Variants in GALC observed in about 807,000 individuals in gnomAD.
The protein encoded by GALC is galactocerebrosidase.
GALC carries 77 observed loss-of-function variants against 91.8 expected under a neutral mutation model. That is an observed-to-expected ratio of 0.84 (90% CI 0.70 to 1.01). The LOEUF (loss-of-function observed/expected upper bound fraction) is 1.01, where lower values mean the gene tolerates loss of function less well. Ranked by LOEUF, GALC falls within the 50% of genes least tolerant of loss-of-function variation. The probability of loss-of-function intolerance (pLI) is 0.00; values close to 1 mark genes in which losing one functional copy is unlikely to be tolerated. For missense variants in GALC, 882 were observed against 855.9 expected (o/e 1.03, Z -0.38); for synonymous variants, 357 against 306.7 (o/e 1.16, Z -1.71).
At chr14:87,982,144 G>T in intron 6 of GALC, 61 bp downstream of exon 6, 1 of 886,770 alleles carries the variant, frequency 1.1e-6, no homozygotes, top group Non-Finnish European at 1.8e-6. Flanking sequence ...TCTGTGTTAG[G>T]AACCATAAGG....
At chr14:87,961,389 A>G (rs760243227) in intron 10 of GALC, among the ~76,000 whole-genome samples, 4 of 152,166 alleles carry the variant, frequency 2.6e-5, no homozygotes, top group Non-Finnish European at 5.9e-5. Flanking sequence ...GTAACTTTGG[A>G]AAACAATTTG....
At chr14:87,974,849 T>C (rs1025011110) in intron 7 of GALC, among the ~76,000 whole-genome samples, 10 of 151,772 alleles carry the variant, frequency 6.6e-5, no homozygotes, top group Non-Finnish European at 5.9e-5. Context: ...ACTAAAGCAG[T>C]ACTCAGAGGA....
chr14:87,977,896 T>C (rs1468459393), intron 6 of GALC, among the ~76,000 whole-genome samples: 2 of 152,184 alleles, frequency 1.3e-5, no homozygotes, highest in East Asian at 1.9e-4. Flanking sequence ...TCTAAGTTCA[T>C]CTTTCAAACT....
intron 16 of GALC, among the ~76,000 whole-genome samples, chr14:87,938,818 A>G (rs958458319): frequency 6.6e-6 from 1 of 151,950 alleles, no homozygotes; most frequent in African/African-American, 2.4e-5. Context: ...TAAAACTTAT[A>G]ATCATCAAAA....
chr14:87,993,489 T>C, upstream of GALC: 1 of 1,535,286 alleles, frequency 6.5e-7, no homozygotes, highest in Non-Finnish European at 8.7e-7. Context: ...ACCATGGCTC[T>C]TCCCCAGCAT....
rs112531377 is a variant in GALC, at chr14:87,950,674, A to T, written c.1236T>A (p.Val412=). The change falls in exon 11 of 17, where the codon GTT becomes GTA. Residue 412 remains valine, a synonymous_variant. Coordinates refer to ENST00000261304, the MANE Select transcript of GALC (RefSeq NM_000153.4). Reference sequence around the variant, plus strand: ...ATTTACTTACAAAAGATCCCTTAAGAACAAAGGTGGCAAATTGTTGTGACA... The same window carrying T: ...ATTTACTTACAAAAGATCCCTTAAGTACAAAGGTGGCAAATTGTTGTGACA... ...FNVSQQFATF[V]LKGSFSEIPE... is the part of the protein sequence containing the mutation. 5.4e-4 allele frequency: 869 copies of T among 1,598,008 alleles called. 1 individual carries two copies. The African/African-American group carries it at 0.011, about 19-fold the overall frequency.
chr14:87,977,562 G>A (rs1302730768), intron 6 of GALC, among the ~76,000 whole-genome samples: 1 of 152,210 alleles, frequency 6.6e-6, no homozygotes, highest in Non-Finnish European at 1.5e-5. Flanking sequence ...AGGAAGATCA[G>A]ATTTCATACC....
intron 4 of GALC, among the ~76,000 whole-genome samples, chr14:87,985,193 A>T (rs183107463): frequency 6.6e-6 from 1 of 151,824 alleles, no homozygotes; most frequent in East Asian, 1.9e-4. Context: ...AGTACTTATT[A>T]TAATTCTAAA....
intron 10 of GALC, chr14:87,955,234 G>A (rs1885478896): frequency 1.1e-6 from 1 of 943,084 alleles, no homozygotes; most frequent in South Asian, 1.3e-5. Context: ...GGCATTTCAA[G>A]GAAGAAGTAC....
chr14:87,952,010 T>C (rs915537356), intron 10 of GALC, among the ~76,000 whole-genome samples: 1 of 151,736 alleles, frequency 6.6e-6, no homozygotes, highest in Non-Finnish European at 1.5e-5. Context: ...AAATCACCAC[T>C]AAAGAACTTA....
chr14:87,993,188 G>T, upstream of GALC: 1 of 1,568,572 alleles, frequency 6.4e-7, no homozygotes, highest in South Asian at 1.2e-5. Flanking sequence ...TGACTCCGGC[G>T]CCCAGGGAGG....
At chr14:87,951,380 TA>T (rs1885302488) in intron 10 of GALC, among the ~76,000 whole-genome samples, 1 of 151,918 alleles carries the variant, frequency 6.6e-6, no homozygotes, top group Non-Finnish European at 1.5e-5. Flanking sequence ...TGCAGACCAT[TA>T]AAAAATTACT....
chr14:87,948,662 T>C (rs1300327643), intron 12 of GALC, among the ~76,000 whole-genome samples: 2 of 126,444 alleles, frequency 1.6e-5, no homozygotes, highest in African/African-American at 2.9e-5. Context: ...GGTAAATTGA[T>C]GATCAGATCT....
chr14:87,969,480 T>C (rs1251832479), intron 7 of GALC, among the ~76,000 whole-genome samples: 2 of 152,114 alleles, frequency 1.3e-5, no homozygotes, highest in Admixed American at 6.6e-5. Flanking sequence ...ACACTGATTA[T>C]AGGAATAAAA....
At chr14:87,942,319 G>A (rs776137290) in intron 14 of GALC, among the ~76,000 whole-genome samples, 2 of 151,962 alleles carry the variant, frequency 1.3e-5, no homozygotes, top group African/African-American at 2.4e-5. Context: ...CTGTCTATAA[G>A]GAAGCAATAA....
intron 9 of GALC, 31 bp downstream of exon 9, chr14:87,965,474 T>C (rs573120240): frequency 9.3e-6 from 15 of 1,611,060 alleles, no homozygotes. Flanking sequence ...AGAGAAGAAT[T>C]TAGGGAGTGA....
chr14:87,952,426 G>A (rs1885350339), intron 10 of GALC: 2 of 441,594 alleles, frequency 4.5e-6, no homozygotes, highest in Admixed American at 3.5e-5. Flanking sequence ...AAATAATGGA[G>A]GTTTTGGTGA....
intron 10 of GALC, among the ~76,000 whole-genome samples, chr14:87,961,233 G>A (rs1595210840): frequency 1.3e-5 from 2 of 152,156 alleles, no homozygotes; most frequent in African/African-American, 4.8e-5. Context: ...TAGTCCCTAG[G>A]AAAATGCATA....
intron 3 of GALC, 112 bp from the exon 4 acceptor site, chr14:87,986,714 G>A: frequency 1.5e-6 from 1 of 688,786 alleles, no homozygotes; most frequent in Non-Finnish European, 2.6e-6. Context: ...CAGTATTCCA[G>A]TTCTAATCCT....
Sources: gnomAD v4.1 joint callset for allele counts (sites outside exome capture counted in the v4.1 genomes callset) on GRCh38, gnomAD v4.1.1 for gene constraint, MANE v1.5 for transcripts, NCBI Gene and HGNC (gene_info 2026-07-23, HGNC 2026-07-21) for gene names.